MTDH: variants seen among roughly 807,000 people sequenced by gnomAD.
The protein encoded by MTDH is protein LYRIC.
A neutral mutation model predicts 72.7 loss-of-function variants in MTDH; 34 were observed. The observed-to-expected ratio is 0.47, with a 90% CI of 0.36 to 0.62. The LOEUF is 0.62. Ranked by LOEUF, MTDH falls within the 20% of genes least tolerant of loss-of-function variation. The pLI is 0.00. For missense variants in MTDH, 677 were observed against 699.4 expected (o/e 0.97, Z 0.36); for synonymous variants, 266 against 268.9 (o/e 0.99, Z 0.10).
chr8:97,674,806 T>G (rs1414015240), intron 2 of MTDH, among the ~76,000 whole-genome samples: 2 of 150,842 alleles, frequency 1.3e-5, no homozygotes, highest in African/African-American at 5.0e-5. Flanking sequence ...AAGAAAATAC[T>G]CAGCATTCTT....
intron 2 of MTDH, among the ~76,000 whole-genome samples, chr8:97,683,509 CCTCAGCCTCCCAA>C (rs1448250174): frequency 6.6e-6 from 1 of 152,018 alleles, no homozygotes; most frequent in East Asian, 1.9e-4. Flanking sequence ...GATCCTCCCA[CCTCAGCCTCCCAA>C]GTAGCTGGAA....
intron 2 of MTDH, among the ~76,000 whole-genome samples, chr8:97,682,252 A>ATG (rs1813141839): frequency 5.3e-4 from 2 of 3,740 alleles, no homozygotes; most frequent in African/African-American, 2.4e-3. Flanking sequence ...ATATATATAT[A>ATG]TATATATATA....
At chr8:97,693,961 T>A (rs1813721617) in intron 6 of MTDH, among the ~76,000 whole-genome samples, 1 of 152,080 alleles carries the variant, frequency 6.6e-6, no homozygotes, top group Non-Finnish European at 1.5e-5. Context: ...GTGATCCACC[T>A]GCCTCGGCTT....
chr8:97,687,629 G>A (rs766172166), intron 4 of MTDH, 24 bp downstream of exon 4: 2 of 1,524,918 alleles, frequency 1.3e-6, no homozygotes, highest in East Asian at 4.7e-5. Flanking sequence ...ACATAAGACA[G>A]TGGTACATCA....
chr8:97,693,047 T>C (rs757820716), intron 6 of MTDH, among the ~76,000 whole-genome samples: 5 of 151,952 alleles, frequency 3.3e-5, no homozygotes, highest in Non-Finnish European at 5.9e-5. Flanking sequence ...TTGCGGTTAT[T>C]TCTTAAGGAC....
intron 2 of MTDH, among the ~76,000 whole-genome samples, chr8:97,686,167 T>TA (rs1295600080): frequency 6.6e-6 from 1 of 152,232 alleles, no homozygotes; most frequent in East Asian, 1.9e-4. Flanking sequence ...CAAAAACTGA[T>TA]AATCACCACA....
intron 6 of MTDH, among the ~76,000 whole-genome samples, chr8:97,697,238 G>C (rs1813897934): frequency 6.8e-6 from 1 of 146,304 alleles, no homozygotes; most frequent in Non-Finnish European, 1.5e-5. Flanking sequence ...CAAACTTTTT[G>C]TATAAAGGGA....
chr8:97,707,340 G>A (rs971976653), intron 8 of MTDH, among the ~76,000 whole-genome samples: 12 of 151,580 alleles, frequency 7.9e-5, no homozygotes, highest in African/African-American at 2.9e-4. Flanking sequence ...AGTAGAGATG[G>A]GATTTCACCA....
intron 10 of MTDH, among the ~76,000 whole-genome samples, chr8:97,720,339 G>A (rs922934014): frequency 4.7e-4 from 72 of 151,880 alleles, no homozygotes; most frequent in African/African-American, 1.7e-3. Context: ...CACTTTGGGA[G>A]GCCAAGGCAG....
intron 2 of MTDH, 120 bp from the exon 3 acceptor site, chr8:97,686,548 T>A: frequency 2.0e-6 from 1 of 499,394 alleles, no homozygotes. Flanking sequence ...TTAAGTTTTT[T>A]AAATCAAACA....
intron 6 of MTDH, among the ~76,000 whole-genome samples, chr8:97,691,760 G>A (rs1190219676): frequency 6.6e-6 from 1 of 151,980 alleles, no homozygotes; most frequent in African/African-American, 2.4e-5. Flanking sequence ...GTGGGCAATT[G>A]CAAAATGATA....
chr8:97,687,443 A>C lies in MTDH; in HGVS notation c.583A>C (p.Lys195Gln), dbSNP rs775703791. ...KEVDEGAWET[K>Q]ISHREKRQQR... ...GGCTATGTCAGGAGCCTGGGAAACT[A>C]AAATTAGTCACAGAGAGAAACGACA... Residue 195 changes from lysine to glutamine, a missense_variant, in exon 4 of 12, where the codon AAA (lysine) becomes CAA (glutamine). Physicochemically the swap from Lys to Gln is moderately conservative, Grantham distance 53 (BLOSUM62 1). Around this residue, in one of 3 missense-constraint regions of MTDH, gnomAD observed 467 missense variants for 469.1 expected, o/e 1.00. Transcript: ENST00000336273. The C allele has an allele frequency of 7.5e-6, 12 of 1,594,202 alleles. No homozygotes were observed. In the South Asian group the frequency reaches 1.4e-4, roughly 18 times the overall value.
chr8:97,707,431 TAAGCCAC>T (rs906556566), intron 8 of MTDH, among the ~76,000 whole-genome samples: 14 of 148,118 alleles, frequency 9.5e-5, no homozygotes, highest in Middle Eastern at 3.2e-3. Flanking sequence ...ATTACAGGCG[TAAGCCAC>T]CATGCCTGGC....
chr8:97,693,675 T>C (rs1438833200), intron 6 of MTDH, among the ~76,000 whole-genome samples: 1 of 152,186 alleles, frequency 6.6e-6, no homozygotes, highest in Non-Finnish European at 1.5e-5. Flanking sequence ...TCTTGTTATT[T>C]TCCCATTTGT....
At position 97,729,465 on chromosome 8, in the gene MTDH, C is replaced by A. The variant is rs1042245685; in HGVS notation, c.*4795C>A. Reference sequence around the variant, plus strand: ...TGGGCCAAATTAACATTTTGAGATTCTGTTAGGAAGATGAGAATTGGATAA... The same window carrying A: ...TGGGCCAAATTAACATTTTGAGATTATGTTAGGAAGATGAGAATTGGATAA... On this transcript the variant is annotated 3_prime_UTR_variant, in exon 12 of 12. Coordinates refer to ENST00000336273, the MANE Select transcript of MTDH (RefSeq NM_178812.4). Among the ~76,000 whole-genome samples the A allele has an allele frequency of 1.3e-5, 2 of 152,092 alleles. No individual in the cohort carries two copies. Among genetic ancestry groups the A allele is most frequent in the Non-Finnish European group, 2.9e-5 (2 of 68,022 alleles).
intron 6 of MTDH, among the ~76,000 whole-genome samples, chr8:97,695,722 TGA>T (rs1813810583): frequency 6.6e-6 from 1 of 152,184 alleles, no homozygotes; most frequent in Non-Finnish European, 1.5e-5. Context: ...CTATTAGGTA[TGA>T]ATCTCTATTC....
intron 2 of MTDH, among the ~76,000 whole-genome samples, chr8:97,665,323 A>G (rs1812336396): frequency 1.3e-5 from 2 of 152,320 alleles, no homozygotes; most frequent in African/African-American, 2.4e-5. Flanking sequence ...ATAGTTTTCT[A>G]GGTCCTTATT....
rs563787708 is a variant in MTDH, at chr8:97,729,417, G to A, written c.*4747G>A. Reference sequence around the variant, plus strand: ...CACTAGCCATGAAGCTGGATGGGACGTAATATTCTATCTGGGTTGTCATGG... The same window carrying A: ...CACTAGCCATGAAGCTGGATGGGACATAATATTCTATCTGGGTTGTCATGG... On this transcript the variant is annotated 3_prime_UTR_variant, in exon 12 of 12. Transcript: ENST00000336273. 1.8e-4 allele frequency among the ~76,000 whole-genome samples: 27 copies of A among 152,258 alleles called. No individual in the cohort carries two copies. In the South Asian group the frequency reaches 4.1e-3, roughly 23 times the overall value.
At chr8:97,711,708 G>T (rs77386022) in intron 8 of MTDH, among the ~76,000 whole-genome samples, 326 of 152,242 alleles carry the variant, frequency 2.1e-3, no homozygotes, top group Admixed American at 0.018. Context: ...GGTATACTAT[G>T]CTTTTTCCTA....
Sources: allele counts gnomAD v4.1 joint callset (sites outside exome capture counted in the v4.1 genomes callset), GRCh38; gene constraint gnomAD v4.1.1; regional missense constraint gnomAD v4.1.1; transcripts MANE v1.5; gene names NCBI Gene and HGNC (gene_info 2026-07-23, HGNC 2026-07-21).